Variants in CFAP44 observed in about 807,000 individuals in gnomAD.
The protein encoded by CFAP44 is cilia and flagella associated protein 44.
In CFAP44, 134 loss-of-function variants were observed where a neutral mutation model predicts 216.2. The ratio of observed to expected loss-of-function variants is 0.62; its 90% CI spans 0.54 to 0.72. The LOEUF is 0.72. Ranked by LOEUF, CFAP44 falls within the 30% of genes least tolerant of loss-of-function variation. The pLI is 0.00. For missense variants in CFAP44, 2,035 were observed against 2,182.1 expected (o/e 0.93, Z 1.34); for synonymous variants, 700 against 727.6 (o/e 0.96, Z 0.61).
chr3:113,311,130 C>T (rs184547807), intron 28 of CFAP44, among the ~76,000 whole-genome samples: 2 of 152,270 alleles, frequency 1.3e-5, no homozygotes, highest in Admixed American at 1.3e-4. Flanking sequence ...GTATTTAAAA[C>T]AGCCATGATA....
At chr3:113,355,240 G>A (rs960880379) in intron 22 of CFAP44, among the ~76,000 whole-genome samples, 5 of 152,070 alleles carry the variant, frequency 3.3e-5, no homozygotes, top group African/African-American at 1.2e-4. Context: ...AAAAATTTAA[G>A]CCAGGCGTGG....
chr3:113,327,484 G>C, intron 27 of CFAP44, 132 bp downstream of exon 27: 2 of 728,562 alleles, frequency 2.7e-6, no homozygotes, highest in Non-Finnish European at 4.3e-6. Flanking sequence ...CAGGAAAAAG[G>C]AGGAGGGGGA....
At chr3:113,406,862 T>C (rs888833908) in intron 8 of CFAP44, 65 bp downstream of exon 8, 3 of 1,102,402 alleles carry the variant, frequency 2.7e-6, no homozygotes, top group Middle Eastern at 2.0e-4. Context: ...TTTTCATATA[T>C]GTGTGCTTTC....
At chr3:113,361,164 T>C (rs566192543) in intron 21 of CFAP44, 7 of 179,376 alleles carry the variant, frequency 3.9e-5, no homozygotes, top group African/African-American at 1.4e-4. Context: ...GTGTATGCTA[T>C]TCATGGTGGG....
chr3:113,363,620 A>T lies in CFAP44; in HGVS notation c.2716-88T>A. On this transcript the variant is annotated intron_variant, in intron 19 of 34. Coordinates refer to ENST00000393845, the MANE Select transcript of CFAP44 (RefSeq NM_001164496.2). ...TAGGAAGAAGTAAATTAAAAACTCA[A>T]ATTGGTTCGGTTTTCTTTTTCTGCC... 4 of 1,212,858 alleles carry T rather than the reference A, an allele frequency of 3.3e-6. No homozygotes were observed. The South Asian group carries it at 7.6e-5, about 23-fold the overall frequency. The allele number at this position is 1,212,858 out of a possible 1,614,324, so 75.1% of individuals were successfully genotyped here. A position where few individuals can be genotyped will look rare whatever the true frequency, so the allele number is the denominator to read the frequency against.
intron 21 of CFAP44, 120 bp downstream of exon 21, chr3:113,363,025 T>G (rs889443170): frequency 7.2e-7 from 1 of 1,389,016 alleles, no homozygotes; most frequent in Non-Finnish European, 9.3e-7. Flanking sequence ...TATTGAAATT[T>G]TGAAAGAAAC....
chr3:113,305,879 T>G (rs1949980673), intron 30 of CFAP44, among the ~76,000 whole-genome samples: 1 of 152,220 alleles, frequency 6.6e-6, no homozygotes, highest in Admixed American at 6.5e-5. Flanking sequence ...TGTTTCCTAT[T>G]GTACAAGATA....
chr3:113,332,527 T>A (rs958385263), intron 25 of CFAP44, among the ~76,000 whole-genome samples: 12 of 152,222 alleles, frequency 7.9e-5, no homozygotes, highest in African/African-American at 2.7e-4. Flanking sequence ...TGCCTTGAAA[T>A]GTGCAACCTC....
Position 113,395,738 on chromosome 3 carries a change from A to C in CFAP44, c.1890+12T>G. The C allele has an allele frequency of 6.3e-7, 1 of 1,580,310 alleles. No homozygotes were observed. The highest frequency in any genetic ancestry group is 8.6e-7 in the Non-Finnish European group (1 of 1,160,242). ...TGAGATTCAAACAGGAAGACAAATA[A>C]TAATGACTTACATGAGACATGGGAG... On this transcript the variant is annotated intron_variant, in intron 15 of 34. Transcript: ENST00000393845.
chr3:113,371,533 A>G (rs893008625), intron 18 of CFAP44, among the ~76,000 whole-genome samples: 2 of 152,240 alleles, frequency 1.3e-5, no homozygotes, highest in African/African-American at 2.4e-5. Context: ...CCATATGTAG[A>G]AAGCTGAAAC....
intron 24 of CFAP44, 36 bp downstream of exon 24, chr3:113,341,708 T>C (rs1334104152): frequency 7.0e-7 from 1 of 1,433,282 alleles, no homozygotes; most frequent in South Asian, 1.5e-5. Flanking sequence ...GGCTCACATA[T>C]TAAAAAGATA....
intron 15 of CFAP44, among the ~76,000 whole-genome samples, chr3:113,390,560 T>G (rs1933767767): frequency 6.6e-6 from 1 of 152,150 alleles, no homozygotes; most frequent in African/African-American, 2.4e-5. Context: ...AAATTATCCT[T>G]GTTTGCAGAT....
At position 113,291,602 on chromosome 3, in the gene CFAP44, G is replaced by T. The variant is rs1364872481; in HGVS notation, c.5520C>A (p.Pro1840=). ...LRRKGSLILP[P]IQSPREKEIQ... is the part of the protein sequence containing the mutation. ...TCTCTTTCTCTCGTGGAGACTGAAT[G>T]GGTGGGAGGATAAGACTGCCTTTCC... Residue 1840 remains proline, a synonymous_variant, in exon 35 of 35, where the codon CCC becomes CCA. Transcript: ENST00000393845. 6.5e-7 allele frequency: 1 copy of T among 1,537,130 alleles called. No individual in the cohort carries two copies. The highest frequency in any genetic ancestry group is 1.4e-5 in the African/African-American group (1 of 73,022).
At chr3:113,314,021 A>G (rs1950065171) in intron 28 of CFAP44, among the ~76,000 whole-genome samples, 1 of 152,208 alleles carries the variant, frequency 6.6e-6, no homozygotes, top group East Asian at 1.9e-4. Context: ...AACAGAAAGA[A>G]AAGAGCAAAA....
At position 113,319,390 on chromosome 3, in the gene CFAP44, T is replaced by G. The variant is rs138255690; in HGVS notation, c.4516+7055A>C. On this transcript the variant is annotated intron_variant, in intron 28 of 34. Coordinates refer to ENST00000393845, the MANE Select transcript of CFAP44 (RefSeq NM_001164496.2). ...GCAATCCAACAGGAAGACTTAACTA[T>G]CCGAAATATATATGCACCCAACATT... 7.2e-3 allele frequency among the ~76,000 whole-genome samples: 1,102 copies of G among 152,282 alleles called. 4 individuals are homozygous for G. The highest frequency in any genetic ancestry group is 0.012 in the Non-Finnish European group (836 of 68,036).
chr3:113,322,403 TA>T (rs1274363239), intron 28 of CFAP44, among the ~76,000 whole-genome samples: 1 of 151,856 alleles, frequency 6.6e-6, no homozygotes, highest in Non-Finnish European at 1.5e-5. Context: ...AAAAAACAAA[TA>T]ACTCTATTAA....
intron 22 of CFAP44, among the ~76,000 whole-genome samples, chr3:113,347,024 G>A (rs1047764558): frequency 9.2e-5 from 14 of 152,256 alleles, no homozygotes; most frequent in African/African-American, 2.9e-4. Flanking sequence ...ACATCTTGGC[G>A]ACCCAGATGG....
intron 15 of CFAP44, among the ~76,000 whole-genome samples, chr3:113,387,511 G>A (rs1238652225): frequency 1.3e-5 from 2 of 152,224 alleles, no homozygotes; most frequent in Non-Finnish European, 2.9e-5. Flanking sequence ...TGACTAAAGA[G>A]CGCTTGGGCC....
intron 9 of CFAP44, 147 bp downstream of exon 9, chr3:113,403,705 G>T: frequency 1.2e-6 from 1 of 857,038 alleles, no homozygotes; most frequent in Non-Finnish European, 1.6e-6. Flanking sequence ...TTTACCACAA[G>T]AGAAGCATTA....
Sources: gnomAD v4.1 joint callset for allele counts (sites outside exome capture counted in the v4.1 genomes callset) on GRCh38, gnomAD v4.1.1 for gene constraint, MANE v1.5 for transcripts, NCBI Gene and HGNC (gene_info 2026-07-23, HGNC 2026-07-21) for gene names.